Variants in SPRR2B observed in about 807,000 individuals in gnomAD.
SPRR2B encodes the protein small proline rich protein 2B, also known as small proline-rich protein 2B.
A neutral mutation model predicts 1.0 loss-of-function variants in SPRR2B; 1 was observed. The observed-to-expected ratio is 1.01, with a 90% CI of 0.36 to 4.77. The LOEUF (loss-of-function observed/expected upper bound fraction) is 4.77. Among genes scored for constraint, SPRR2B ranks in the 30% most tolerant of loss-of-function variants. SPRR2B has a pLI of 0.16. For synonymous variants in SPRR2B, 27 were observed against 33.4 expected (o/e 0.81, Z 0.66); for missense variants, 53 against 88.7 (o/e 0.60, Z 1.62).
At chr1:153,087,569 A>T in the SPRR2B span, among the ~76,000 whole-genome samples, 1 of 152,328 alleles carries the variant, frequency 6.6e-6, no homozygotes, top group East Asian at 1.9e-4. Flanking sequence ...GGATATTACC[A>T]CTGACTCCAC....
At chr1:153,083,040 A>T in the SPRR2B span, among the ~76,000 whole-genome samples, 1 of 152,234 alleles carries the variant, frequency 6.6e-6, no homozygotes, top group South Asian at 2.1e-4. Context: ...ATTTTACAGA[A>T]ATAAAAAAAT....
chr1:153,083,311 T>C, the SPRR2B span, among the ~76,000 whole-genome samples: 2 of 152,144 alleles, frequency 1.3e-5, no homozygotes, highest in African/African-American at 4.8e-5. Context: ...AGGGACTACT[T>C]CCTGTCTTAT....
At chr1:153,084,979 A>G in the SPRR2B span, among the ~76,000 whole-genome samples, 2 of 152,262 alleles carry the variant, frequency 1.3e-5, no homozygotes, top group African/African-American at 4.8e-5. Context: ...TACCACAATC[A>G]AAACCTCAAG....
the SPRR2B span, among the ~76,000 whole-genome samples, chr1:153,083,553 G>T: frequency 6.6e-6 from 1 of 152,160 alleles, no homozygotes; most frequent in Non-Finnish European, 1.5e-5. Flanking sequence ...ATATTCAGAG[G>T]GAAGGCACTG....
chr1:153,074,573 A>T, upstream of SPRR2B, among the ~76,000 whole-genome samples: 1 of 152,366 alleles, frequency 6.6e-6, no homozygotes, highest in East Asian at 1.9e-4. Context: ...AAATTTGTTT[A>T]GTATAATTTA....
the SPRR2B span, among the ~76,000 whole-genome samples, chr1:153,081,381 A>G: frequency 6.6e-6 from 1 of 152,246 alleles, no homozygotes; most frequent in African/African-American, 2.4e-5. Flanking sequence ...GGAGATCAAG[A>G]GGTAGTGGGA....
chr1:153,083,997 A>G, the SPRR2B span, among the ~76,000 whole-genome samples: 8 of 152,064 alleles, frequency 5.3e-5, no homozygotes, highest in Admixed American at 5.2e-4. Flanking sequence ...TGACCTGAGC[A>G]CTCTCTGGTC....
At chr1:153,087,319 A>G in the SPRR2B span, among the ~76,000 whole-genome samples, 1 of 152,190 alleles carries the variant, frequency 6.6e-6, no homozygotes, top group East Asian at 1.9e-4. Flanking sequence ...CAATGCAAAA[A>G]CATAACATCA....
At chr1:153,074,805 A>G (rs981361771), upstream of SPRR2B, among the ~76,000 whole-genome samples, 2 of 152,224 alleles carry the variant, frequency 1.3e-5, no homozygotes, top group African/African-American at 4.8e-5. Context: ...AAAGTTGACA[A>G]GAGACAAGCA....
chr1:153,084,667 C>T, the SPRR2B span, among the ~76,000 whole-genome samples: 1 of 152,116 alleles, frequency 6.6e-6, no homozygotes, highest in Non-Finnish European at 1.5e-5. Context: ...AGAACCCTGC[C>T]CCCAGCCCAA....
the SPRR2B span, among the ~76,000 whole-genome samples, chr1:153,082,239 CACAA>C: frequency 4.0e-3 from 603 of 152,178 alleles, 2 homozygotes; most frequent in African/African-American, 0.013. Context: ...GGTATTGAAA[CACAA>C]ACAGTGTACA....
At chr1:153,075,869 T>C (rs74135825), upstream of SPRR2B, among the ~76,000 whole-genome samples, 2,466 of 152,296 alleles carry the variant, frequency 0.016, 62 homozygotes, top group African/African-American at 0.056. Flanking sequence ...TTTATTCTTA[T>C]GTGATAAAAA....
chr1:153,078,731 T>C, the SPRR2B span, among the ~76,000 whole-genome samples: 2 of 152,208 alleles, frequency 1.3e-5, no homozygotes, highest in Non-Finnish European at 2.9e-5. Flanking sequence ...CCATGGTGTA[T>C]ATGTGCCACA....
rs201846429 is a variant in SPRR2B, at chr1:153,070,781, G to T, written c.59C>A (p.Thr20Lys). The stretch of plus-strand genomic sequence containing the variant: ...TGGACATGGCTCTGGGCACTTTGGC[G>T]TGGGGCACACAGGAGGTGGCTGGCA... Reference protein sequence around the residue: ...QPCQPPPVCPTPKCPEPCPPP... With the variant: ...QPCQPPPVCPKPKCPEPCPPP... The change falls in exon 2 of 2, where the codon ACG becomes AAG. Residue 20 changes from threonine (T) to lysine (K), a missense_variant. Thr to Lys is a moderately conservative substitution (Grantham distance 78). Transcript: ENST00000368755. 10 of 1,602,298 alleles carry T rather than the reference G, an allele frequency of 6.2e-6. No homozygotes were observed. Among genetic ancestry groups the T allele is most frequent in the Non-Finnish European group, 8.5e-6 (10 of 1,174,592 alleles).
At chr1:153,080,487 C>T in the SPRR2B span, among the ~76,000 whole-genome samples, 1 of 151,978 alleles carries the variant, frequency 6.6e-6, no homozygotes, top group Non-Finnish European at 1.5e-5. Context: ...TTTCCAATCA[C>T]AGTGGAATAA....
the SPRR2B span, among the ~76,000 whole-genome samples, chr1:153,084,382 T>C: frequency 7.2e-5 from 11 of 152,060 alleles, no homozygotes; most frequent in Non-Finnish European, 1.6e-4. Context: ...GCCCCAACTT[T>C]CATGCCAATG....
At chr1:153,079,214 G>GT in the SPRR2B span, among the ~76,000 whole-genome samples, 776 of 142,044 alleles carry the variant, frequency 5.5e-3, 7 homozygotes, top group African/African-American at 0.021. Context: ...GGGGTTGTTT[G>GT]TTTTTTTTTC....
At chr1:153,072,238 A>G (rs1654681835), upstream of SPRR2B, among the ~76,000 whole-genome samples, 1 of 152,114 alleles carries the variant, frequency 6.6e-6, no homozygotes, top group Admixed American at 6.5e-5. Context: ...TTCCCTTTGA[A>G]GTTGTCTTAC....
chr1:153,086,039 A>G, the SPRR2B span, among the ~76,000 whole-genome samples: 1 of 152,216 alleles, frequency 6.6e-6, no homozygotes, highest in Non-Finnish European at 1.5e-5. Context: ...GGAGCACTAA[A>G]TATAGAAAGG....
Sources: gnomAD v4.1 joint callset for allele counts (sites outside exome capture counted in the v4.1 genomes callset) on GRCh38, gnomAD v4.1.1 for gene constraint, MANE v1.5 for transcripts, NCBI Gene and HGNC (gene_info 2026-07-23, HGNC 2026-07-21) for gene names.